CLSTN1: variants seen among roughly 807,000 people sequenced by gnomAD.
CLSTN1 encodes calsyntenin 1, also known as calsyntenin-1.
Under a neutral mutation model 108.3 loss-of-function variants are expected in CLSTN1, and 28 were observed. That is an observed-to-expected ratio of 0.26 (90% confidence interval 0.19 to 0.35). CLSTN1 has a LOEUF of 0.35. Ranked by LOEUF, CLSTN1 falls within the 10% of genes least tolerant of loss-of-function variation. The pLI is 1.00. For synonymous variants in CLSTN1, 524 were observed against 534.9 expected (o/e 0.98, Z 0.28); for missense variants, 1,157 against 1,302.6 (o/e 0.89, Z 1.72).
rs186599658 is a variant in CLSTN1 at position 9,803,631 on chromosome 1, C to T, written c.91+20012G>A. Among the ~76,000 whole-genome samples the T allele has an allele frequency of 5.3e-5, 8 of 151,992 alleles. No individual in the cohort carries two copies. The East Asian group carries it at 1.2e-3, about 22-fold the overall frequency. Reference sequence around the variant, plus strand: ...CAGTCTGGCCAACATGGTGAAATCCCGTCTCTACTAAAAATACAAAAATTA... The same window carrying T: ...CAGTCTGGCCAACATGGTGAAATCCTGTCTCTACTAAAAATACAAAAATTA... On this transcript the variant is annotated intron_variant, in intron 1 of 18. Transcript: ENST00000377298.
chr1:9,741,935 GC>G (rs1476630604), intron 9 of CLSTN1, among the ~76,000 whole-genome samples: 1 of 152,150 alleles, frequency 6.6e-6, no homozygotes, highest in Admixed American at 6.6e-5. Flanking sequence ...ACAAAAAAGT[GC>G]CTTTAATCTC....
Position 9,733,449 on chromosome 1 carries a change from G to A in CLSTN1, c.2379C>T (p.Ile793=), listed in dbSNP as rs1284573869. 3 of 1,614,122 alleles carry A rather than the reference G, an allele frequency of 1.9e-6. No individual in the cohort carries two copies. The highest frequency in any genetic ancestry group is 1.3e-5 in the African/African-American group (1 of 74,942). ...RSLLDRKFKL[I]CSELNGRYIS... is the part of the protein sequence containing the mutation. Reference sequence around the variant, plus strand: ...TGTAGCGGCCATTCAGCTCTGAGCAGATGAGCTTAAACTTCCGGTCAAGCA... The same window carrying A: ...TGTAGCGGCCATTCAGCTCTGAGCAAATGAGCTTAAACTTCCGGTCAAGCA... The change falls in exon 16 of 19, where the codon ATC becomes ATT. Residue 793 remains isoleucine, a synonymous_variant. Coordinates refer to ENST00000377298, the MANE Select transcript of CLSTN1 (RefSeq NM_001009566.3).
At position 9,813,295 on chromosome 1, in the gene CLSTN1, C is replaced by G. The variant is rs576190633; in HGVS notation, c.91+10348G>C. 5.3e-5 allele frequency among the ~76,000 whole-genome samples: 8 copies of G among 151,906 alleles called. 1 individual carries two copies. The South Asian group carries it at 1.7e-3, about 32-fold the overall frequency. ...GGTGAACTGCCTGAGCTCAGGAGTT[C>G]AAGACCGTCCTGGGCAACCTGGTGA... On this transcript the variant is annotated intron_variant, in intron 1 of 18. Transcript: ENST00000377298.
intron 2 of CLSTN1, among the ~76,000 whole-genome samples, chr1:9,771,539 G>A (rs899778386): frequency 5.9e-5 from 9 of 152,052 alleles, no homozygotes; most frequent in South Asian, 4.1e-4. Flanking sequence ...GCTTGAACCC[G>A]GGAGGCAGAG....
At chr1:9,795,741 G>A (rs185774119) in intron 1 of CLSTN1, among the ~76,000 whole-genome samples, 2 of 151,356 alleles carry the variant, frequency 1.3e-5, no homozygotes, top group African/African-American at 4.8e-5. Context: ...GATCACTTGA[G>A]GCCAGGAGTT....
intron 1 of CLSTN1, among the ~76,000 whole-genome samples, chr1:9,809,998 C>G (rs550949475): frequency 2.3e-4 from 32 of 141,666 alleles, no homozygotes; most frequent in African/African-American, 8.5e-4. Context: ...AAGATCATGC[C>G]ACTGCACTCC....
Position 9,823,495 on chromosome 1 carries a change from G to C in CLSTN1, c.91+148C>G. On this transcript the variant is annotated intron_variant, in intron 1 of 18. Coordinates refer to ENST00000377298, the MANE Select transcript of CLSTN1 (RefSeq NM_001009566.3). This position sits in a 1 kb window ranked among gnomAD's most constrained non-coding sequence, Gnocchi z 6.3. ...CGCCCTGACCCGGCTCCCTGCGCTCGGACCCGACTCCCCGCATCCCGGCTC... is the reference window on the plus strand; with the variant it reads ...CGCCCTGACCCGGCTCCCTGCGCTCCGACCCGACTCCCCGCATCCCGGCTC... 2.6e-6 allele frequency: 1 copy of C among 382,846 alleles called. No homozygotes were observed. The allele number at this position is 382,846 out of a possible 1,614,324, so 23.7% of individuals were successfully genotyped here.
intron 2 of CLSTN1, among the ~76,000 whole-genome samples, chr1:9,771,410 T>TC (rs1197356440): frequency 6.6e-6 from 1 of 151,994 alleles, no homozygotes; most frequent in African/African-American, 2.4e-5. Flanking sequence ...GGTCAGGAGT[T>TC]CAAGACCAGC....
Position 9,767,190 on chromosome 1 carries a change from C to T in CLSTN1, c.214+6082G>A, listed in dbSNP as rs115699691. On this transcript the variant is annotated intron_variant, in intron 2 of 18. Coordinates refer to ENST00000377298, the MANE Select transcript of CLSTN1 (RefSeq NM_001009566.3). Reference sequence around the variant, plus strand: ...CCTGCTGTCACGCAGCTGGCAGACACGCTGAGCCTGGTTCCTCACCTGGAG... The same window carrying T: ...CCTGCTGTCACGCAGCTGGCAGACATGCTGAGCCTGGTTCCTCACCTGGAG... Among the ~76,000 whole-genome samples the T allele has an allele frequency of 4.8e-3, 738 of 152,300 alleles. 3 individuals are homozygous for T. The highest frequency in any genetic ancestry group is 0.016 in the African/African-American group (658 of 41,560).
At chr1:9,777,600 C>T (rs1437945466) in intron 1 of CLSTN1, among the ~76,000 whole-genome samples, 2 of 152,166 alleles carry the variant, frequency 1.3e-5, no homozygotes, top group African/African-American at 4.8e-5. Flanking sequence ...TTATATAATA[C>T]ATTCACATAA....
chr1:9,822,976 A>ATT (rs1056807504), intron 1 of CLSTN1, among the ~76,000 whole-genome samples: 11 of 152,158 alleles, frequency 7.2e-5, no homozygotes, highest in South Asian at 6.2e-4. Flanking sequence ...TCTCATCGCG[A>ATT]TTTCACCTTT....
intron 1 of CLSTN1, among the ~76,000 whole-genome samples, chr1:9,790,671 C>T (rs1025907599): frequency 2.6e-5 from 4 of 151,346 alleles, no homozygotes; most frequent in Non-Finnish European, 5.9e-5. Context: ...TCAAATATTA[C>T]GCATATTTCG....
chr1:9,824,127 C>G (rs1204608536), upstream of CLSTN1: 1 of 145,018 alleles, frequency 6.9e-6, no homozygotes, highest in African/African-American at 2.5e-5. This position sits in a 1 kb window ranked among gnomAD's most constrained non-coding sequence, Gnocchi z 5.0. Flanking sequence ...GGAGCGCGCG[C>G]GGCGGACCCG....
chr1:9,795,268 C>T (rs955979944), intron 1 of CLSTN1, among the ~76,000 whole-genome samples: 16 of 150,534 alleles, frequency 1.1e-4, no homozygotes, highest in Non-Finnish European at 1.6e-4. Context: ...TGGGTTCAAT[C>T]GATTCTCCTG....
intron 3 of CLSTN1, 59 bp from the exon 4 acceptor site, chr1:9,755,368 CCCT>C: frequency 7.3e-7 from 1 of 1,371,434 alleles, no homozygotes; most frequent in Non-Finnish European, 1.0e-6. Flanking sequence ...CTGCACCTTG[CCCT>C]CCTCCCCCCA....
In CLSTN1 at chr1:9,790,844, A is replaced by G. The variant is rs929746301; in HGVS notation, c.92-17450T>C. On this transcript the variant is annotated intron_variant, in intron 1 of 18. Transcript: ENST00000377298. The stretch of plus-strand genomic sequence containing the variant: ...TGCTTTTAAAAATTAGGATTAAAAA[A>G]AAAACAGGGCCGGGCGCGGCGGCTC... Among the ~76,000 whole-genome samples the G allele has an allele frequency of 1.4e-4, 21 of 151,320 alleles. 1 individual carries two copies. Among genetic ancestry groups the G allele is most frequent in the Admixed American group, 9.4e-4 (14 of 14,908 alleles).
intron 1 of CLSTN1, among the ~76,000 whole-genome samples, chr1:9,788,867 C>CAA (rs56093052): frequency 3.8e-4 from 29 of 76,254 alleles, no homozygotes; most frequent in Admixed American, 6.8e-4. Flanking sequence ...GACTCCGTCT[C>CAA]AAAAAAAAAA....
chr1:9,741,853 G>A (rs1213505723), intron 9 of CLSTN1, among the ~76,000 whole-genome samples: 34 of 152,080 alleles, frequency 2.2e-4, no homozygotes, highest in Non-Finnish European at 7.4e-5. Flanking sequence ...CAAAGGTTGC[G>A]GTGAGCCGAG....
At position 9,779,015 on chromosome 1, in the gene CLSTN1, C is replaced by T. The variant is rs1467658071; in HGVS notation, c.92-5621G>A. 3.4e-5 allele frequency among the ~76,000 whole-genome samples: 5 copies of T among 146,756 alleles called. No homozygotes were observed. In the East Asian group the frequency reaches 1.2e-3, roughly 36 times the overall value. Reference sequence around the variant, plus strand: ...TCCAGCCTGGGAGAGAAGCGAGAGACTTCGTCTCAAAAAAAAAAAAAAAGA... The same window carrying T: ...TCCAGCCTGGGAGAGAAGCGAGAGATTTCGTCTCAAAAAAAAAAAAAAAGA... On this transcript the variant is annotated intron_variant, in intron 1 of 18. Transcript: ENST00000377298.
Sources: allele counts gnomAD v4.1 joint callset (sites outside exome capture counted in the v4.1 genomes callset), GRCh38; gene constraint gnomAD v4.1.1; non-coding constraint Gnocchi (gnomAD v3.1); transcripts MANE v1.5; gene names NCBI Gene and HGNC (gene_info 2026-07-23, HGNC 2026-07-21).